The following STX17 variants were observed in gnomAD, a reference collection of about 807,000 sequenced individuals.
The protein encoded by STX17 is syntaxin-17.
STX17 carries 29 observed loss-of-function variants against 35.9 expected under a neutral mutation model. That is an observed-to-expected ratio of 0.81 (90% CI 0.60 to 1.10). STX17 has a LOEUF of 1.10. Ranked by LOEUF, STX17 falls within the 50% of genes least tolerant of loss-of-function variation. The probability of loss-of-function intolerance (pLI) is 0.00; values close to 1 mark genes in which losing one functional copy is unlikely to be tolerated. For missense variants in STX17, 312 were observed against 352.3 expected (o/e 0.89, Z 0.92); for synonymous variants, 92 against 118.3 (o/e 0.78, Z 1.44).
At chr9:99,908,819 C>T (rs1412829210) in intron 1 of STX17, among the ~76,000 whole-genome samples, 1 of 152,178 alleles carries the variant, frequency 6.6e-6, no homozygotes, top group African/African-American at 2.4e-5. Context: ...CAGGGCCCCA[C>T]AGAAGACACC....
In STX17 at chr9:99,968,611, A is replaced by C. The variant is rs1003673769; in HGVS notation, c.847A>C (p.Met283Leu). Residue 283 changes from methionine (M) to leucine (L), a missense_variant, in exon 8 of 8, where the codon ATG becomes CTG. Coordinates refer to ENST00000259400, the MANE Select transcript of STX17 (RefSeq NM_017919.3). Reference sequence around the variant, plus strand: ...GATACAAAGAAAGAAACAGAAAATGATGGAGAAGCTCACTTCCAGCTGTCC... The same window carrying C: ...GATACAAAGAAAGAAACAGAAAATGCTGGAGAAGCTCACTTCCAGCTGTCC... The part of the protein sequence containing the change: ...KLIQRKKQKM[M>L]EKLTSSCPDL... 1 of 1,613,880 alleles carries C rather than the reference A, an allele frequency of 6.2e-7. No individual in the cohort carries two copies. The highest frequency in any genetic ancestry group is 1.1e-5 in the South Asian group (1 of 91,076).
At position 99,971,311 on chromosome 9, in the gene STX17, T is replaced by A. The variant is rs1183848414; in HGVS notation, c.*2638T>A. Among the ~76,000 whole-genome samples, 3 of 151,000 alleles carry A rather than the reference T, an allele frequency of 2.0e-5. No homozygotes were observed. Among genetic ancestry groups the A allele is most frequent in the Non-Finnish European group, 3.0e-5 (2 of 67,720 alleles). On this transcript the variant is annotated 3_prime_UTR_variant, in exon 8 of 8. Coordinates refer to ENST00000259400, the MANE Select transcript of STX17 (RefSeq NM_017919.3). ...GACTTTTTTTTTTTTTTTAACATAA[T>A]CTGAGAATTTCTCTGTAGAGCAGAG...
chr9:99,923,134 A>C (rs530715795), intron 2 of STX17, among the ~76,000 whole-genome samples: 5 of 147,570 alleles, frequency 3.4e-5, no homozygotes, highest in Non-Finnish European at 4.5e-5. Flanking sequence ...TTTTCTTCCA[A>C]CTTTTATTTT....
At chr9:99,921,611 C>G (rs1208325328) in intron 2 of STX17, among the ~76,000 whole-genome samples, 3 of 150,734 alleles carry the variant, frequency 2.0e-5, no homozygotes, top group East Asian at 3.9e-4. Context: ...CAAACCATCT[C>G]ACTAATTATC....
Position 99,935,578 on chromosome 9 carries a change from A to T in STX17, c.189+6735A>T, listed in dbSNP as rs149586383. On this transcript the variant is annotated intron_variant, in intron 3 of 7. Coordinates refer to ENST00000259400, the MANE Select transcript of STX17 (RefSeq NM_017919.3). ...CTGTGTTCTAGATACTCTTCTAGAC[A>T]CTGGGCATACATCTGTGGCGGTGGC... Among the ~76,000 whole-genome samples the T allele has an allele frequency of 3.1e-4, 47 of 152,320 alleles. No individual in the cohort carries two copies. The East Asian group carries it at 8.5e-3, about 28-fold the overall frequency.
chr9:99,912,377 G>A (rs548044710), intron 1 of STX17, among the ~76,000 whole-genome samples: 1 of 151,832 alleles, frequency 6.6e-6, no homozygotes, highest in African/African-American at 2.4e-5. Context: ...ATGATGTTGA[G>A]CATTAAAAAA....
At chr9:99,915,773 G>T (rs1828756321) in intron 2 of STX17, among the ~76,000 whole-genome samples, 1 of 152,116 alleles carries the variant, frequency 6.6e-6, no homozygotes, top group Non-Finnish European at 1.5e-5. Flanking sequence ...TGCCCAGGCT[G>T]GTCTTGAACT....
chr9:99,960,114 G>C lies in STX17; in HGVS notation c.541G>C (p.Glu181Gln). ...SWETLEADLI[E>Q]LSQLVTDFSL... is the part of the protein sequence containing the mutation. ...TCCCTTTCTTTTAAAGGACTTAATT[G>C]AACTTAGCCAACTGGTCACTGACTT... Residue 181 changes from glutamate (E) to glutamine (Q), a missense_variant, in exon 6 of 8, where the codon GAA becomes CAA. Physicochemically the swap from Glu to Gln is conservative, Grantham distance 29. Coordinates refer to ENST00000259400, the MANE Select transcript of STX17 (RefSeq NM_017919.3). The C allele has an allele frequency of 6.2e-7, 1 of 1,613,978 alleles. No individual in the cohort carries two copies. Among genetic ancestry groups the C allele is most frequent in the African/African-American group, 1.3e-5 (1 of 75,016 alleles).
intron 2 of STX17, among the ~76,000 whole-genome samples, chr9:99,927,624 G>A (rs1437294553): frequency 6.6e-6 from 1 of 152,064 alleles, no homozygotes; most frequent in Non-Finnish European, 1.5e-5. Context: ...ACAGGCACCT[G>A]CCATCATGCC....
intron 2 of STX17, among the ~76,000 whole-genome samples, chr9:99,920,455 A>C (rs1288659387): frequency 6.6e-6 from 1 of 152,184 alleles, no homozygotes; most frequent in Non-Finnish European, 1.5e-5. Context: ...TGGACACTTA[A>C]TGACCTTGTA....
chr9:99,928,054 A>G (rs935770041), intron 2 of STX17, among the ~76,000 whole-genome samples: 9 of 152,152 alleles, frequency 5.9e-5, no homozygotes, highest in African/African-American at 2.2e-4. Context: ...AATGTGTTTA[A>G]TGTAACTATT....
intron 6 of STX17, among the ~76,000 whole-genome samples, chr9:99,961,104 G>T (rs1829818760): frequency 6.6e-6 from 1 of 152,170 alleles, no homozygotes; most frequent in African/African-American, 2.4e-5. Context: ...AAGCAAGGAG[G>T]GTGAGGGCCA....
In STX17 at chr9:99,971,513, A is replaced by G. The variant is rs140207581; in HGVS notation, c.*2840A>G. On this transcript the variant is annotated 3_prime_UTR_variant, in exon 8 of 8. Coordinates refer to ENST00000259400, the MANE Select transcript of STX17 (RefSeq NM_017919.3). ...CCAATGGGTTGCAACCCTTAGCTTGAAAAAAACACCCTCACAGAGGAACTG... is the reference window on the plus strand; with the variant it reads ...CCAATGGGTTGCAACCCTTAGCTTGGAAAAAACACCCTCACAGAGGAACTG... Among the ~76,000 whole-genome samples the G allele has an allele frequency of 8.5e-5, 13 of 152,272 alleles. No individual in the cohort carries two copies. Among genetic ancestry groups the G allele is most frequent in the African/African-American group, 3.1e-4 (13 of 41,546 alleles).
At chr9:99,936,226 A>G (rs1371822576) in intron 3 of STX17, among the ~76,000 whole-genome samples, 1 of 152,148 alleles carries the variant, frequency 6.6e-6, no homozygotes, top group Non-Finnish European at 1.5e-5. Flanking sequence ...TTGTGGGTAA[A>G]TAGTTAGGAG....
chr9:99,937,513 G>A (rs1378999314), intron 3 of STX17, among the ~76,000 whole-genome samples: 3 of 152,086 alleles, frequency 2.0e-5, no homozygotes, highest in African/African-American at 7.2e-5. Flanking sequence ...AGTCTTAACA[G>A]CAGTGTCTAG....
chr9:99,919,396 A>G (rs1828848886), intron 2 of STX17, among the ~76,000 whole-genome samples: 1 of 151,968 alleles, frequency 6.6e-6, no homozygotes, highest in African/African-American at 2.4e-5. Flanking sequence ...GACATGAACA[A>G]CCATGCTTGG....
At chr9:99,924,288 G>C (rs983455477) in intron 2 of STX17, among the ~76,000 whole-genome samples, 14 of 152,238 alleles carry the variant, frequency 9.2e-5, no homozygotes, top group African/African-American at 3.4e-4. Flanking sequence ...GTCTACTTTG[G>C]ACACTGAAAG....
chr9:99,911,113 G>T (rs1364393203), intron 1 of STX17, among the ~76,000 whole-genome samples: 2 of 151,386 alleles, frequency 1.3e-5, no homozygotes, highest in East Asian at 3.9e-4. Flanking sequence ...TGGGTTCACC[G>T]CAACCTCCGC....
chr9:99,953,861 A>G (rs1227587030), intron 4 of STX17: 1 of 152,032 alleles, frequency 6.6e-6, no homozygotes, highest in Non-Finnish European at 1.5e-5. Flanking sequence ...TTATTGCATT[A>G]TTTGTTTTAC....
Sources: allele counts gnomAD v4.1 joint callset (sites outside exome capture counted in the v4.1 genomes callset), GRCh38; gene constraint gnomAD v4.1.1; transcripts MANE v1.5; gene names NCBI Gene and HGNC (gene_info 2026-07-23, HGNC 2026-07-21).